Variants in AFMID observed in about 807,000 individuals in gnomAD.
The protein encoded by AFMID is arylformamidase.
A neutral mutation model predicts 47.5 loss-of-function variants in AFMID; 39 were observed. The observed-to-expected ratio is 0.82, with a 90% confidence interval of 0.64 to 1.07. The LOEUF (loss-of-function observed/expected upper bound fraction) is 1.07. Among genes scored for constraint, AFMID ranks in the 50% least tolerant of loss-of-function variants. AFMID has a pLI of 0.00. For synonymous variants in AFMID, 130 were observed against 153.2 expected (o/e 0.85, Z 1.12); for missense variants, 375 against 387.5 (o/e 0.97, Z 0.27).
chr17:78,204,543 A>G, intron 4 of AFMID, 113 bp from the exon 5 acceptor site: 1 of 984,642 alleles, frequency 1.0e-6, no homozygotes, highest in Non-Finnish European at 1.6e-6. Flanking sequence ...ATGGGACCAG[A>G]AAGGGGTGAT....
chr17:78,201,756 C>A (rs892692410), intron 2 of AFMID, among the ~76,000 whole-genome samples: 17 of 151,642 alleles, frequency 1.1e-4, no homozygotes, highest in African/African-American at 2.9e-4. Flanking sequence ...TTTGAGTTGG[C>A]GTCTCGCTCT....
chr17:78,206,790 C>T (rs1286516453), intron 10 of AFMID, 121 bp from the exon 11 acceptor site: 2 of 1,071,850 alleles, frequency 1.9e-6, no homozygotes, highest in South Asian at 1.3e-5. Context: ...CCTCAGCCTC[C>T]CGAAGGGTTG....
intron 9 of AFMID, 80 bp downstream of exon 9, chr17:78,205,818 A>T (rs888056849): frequency 1.7e-5 from 27 of 1,598,094 alleles, no homozygotes; most frequent in Non-Finnish European, 2.2e-5. Context: ...ACCCAAGTGG[A>T]CAAGACCCTC....
chr17:78,189,600 T>C (rs1395271579), intron 1 of AFMID, among the ~76,000 whole-genome samples: 4 of 147,146 alleles, frequency 2.7e-5, no homozygotes, highest in Admixed American at 2.7e-4. Context: ...CTCACTACAA[T>C]CTCTGCTTCC....
chr17:78,206,195 C>T, intron 10 of AFMID, 145 bp downstream of exon 10: 1 of 677,164 alleles, frequency 1.5e-6, no homozygotes, highest in Non-Finnish European at 2.6e-6. Flanking sequence ...ACAAATTAGC[C>T]AGATGTGATG....
intron 2 of AFMID, among the ~76,000 whole-genome samples, chr17:78,201,989 C>G (rs1199960563): frequency 6.6e-6 from 1 of 151,974 alleles, no homozygotes; most frequent in Admixed American, 6.5e-5. Flanking sequence ...CTCGGCCTCC[C>G]AGAGTGCTGG....
chr17:78,187,527 G>A (rs1362628874), intron 1 of AFMID, 94 bp downstream of exon 1: 6 of 1,453,612 alleles, frequency 4.1e-6, no homozygotes, highest in African/African-American at 1.4e-5. Flanking sequence ...AAGCCGTCTA[G>A]AGCACTCCTG....
At position 78,200,033 on chromosome 17, in the gene AFMID, C is replaced by T. The variant is rs148114414; in HGVS notation, c.155-2466C>T. Among the ~76,000 whole-genome samples, 599 of 151,896 alleles carry T rather than the reference C, an allele frequency of 3.9e-3. 4 individuals carry two copies. The highest frequency in any genetic ancestry group is 0.014 in the African/African-American group (575 of 41,430). Reference sequence around the variant, plus strand: ...ATCTGCAGTGCCAAATAAAGGTGACCCCCACAACGACATAAAAAAAAAAAA... The same window carrying T: ...ATCTGCAGTGCCAAATAAAGGTGACTCCCACAACGACATAAAAAAAAAAAA... On this transcript the variant is annotated intron_variant, in intron 2 of 10. Transcript: ENST00000409257.
intron 2 of AFMID, among the ~76,000 whole-genome samples, chr17:78,195,136 T>C (rs2076077685): frequency 6.6e-6 from 1 of 151,898 alleles, no homozygotes; most frequent in South Asian, 2.1e-4. Context: ...TGGTGGTTGG[T>C]AGGGGCAAGG....
intron 2 of AFMID, among the ~76,000 whole-genome samples, chr17:78,199,072 C>T (rs7221585): frequency 0.37 from 55,762 of 152,150 alleles, 12,670 homozygotes; most frequent in East Asian, 0.64. Flanking sequence ...CGTCAGTACG[C>T]AGGGAGCCCT....
At chr17:78,202,248 T>G (rs1176202990) in intron 2 of AFMID, among the ~76,000 whole-genome samples, 3 of 148,706 alleles carry the variant, frequency 2.0e-5, no homozygotes, top group Non-Finnish European at 4.5e-5. Context: ...CAACCCTGTC[T>G]CTACTAAAAA....
chr17:78,191,792 C>A (rs180866154), intron 2 of AFMID, among the ~76,000 whole-genome samples: 74 of 149,698 alleles, frequency 4.9e-4, no homozygotes, highest in African/African-American at 1.8e-3. Flanking sequence ...CGGGTTCAAG[C>A]GATTCTCCTG....
At position 78,202,135 on chromosome 17, in the gene AFMID, C is replaced by T. The variant is rs150146388; in HGVS notation, c.155-364C>T. On this transcript the variant is annotated intron_variant, in intron 2 of 10. Transcript: ENST00000409257. Reference sequence around the variant, plus strand: ...CTACCTGAGCTGAAATAGAAATTGCCGCCACCTGGCTGGGCACAGTGGCTC... The same window carrying T: ...CTACCTGAGCTGAAATAGAAATTGCTGCCACCTGGCTGGGCACAGTGGCTC... Among the ~76,000 whole-genome samples the T allele has an allele frequency of 7.3e-3, 1,107 of 151,744 alleles. 12 individuals are homozygous for T. The highest frequency in any genetic ancestry group is 0.025 in the African/African-American group (1,056 of 41,428).
intron 2 of AFMID, among the ~76,000 whole-genome samples, chr17:78,199,612 G>A (rs182270687): frequency 1.4e-3 from 219 of 152,058 alleles, no homozygotes; most frequent in Non-Finnish European, 2.5e-3. Flanking sequence ...TGACCTTGTG[G>A]TCCACCCGCC....
rs2075923808 is a variant in AFMID, at chr17:78,190,119, G to A, written c.64-851G>A. On this transcript the variant is annotated intron_variant, in intron 1 of 10. Coordinates refer to ENST00000409257, the MANE Select transcript of AFMID (RefSeq NM_001010982.5). ...TGGGATTACAGGCGTGAGCCACCGC[G>A]CCCAGCCTCTGTTTTTTTTTTTCTT... Among the ~76,000 whole-genome samples the A allele has an allele frequency of 4.0e-5, 6 of 151,570 alleles. No homozygotes were observed. In the South Asian group the frequency reaches 1.3e-3, roughly 32 times the overall value.
At chr17:78,190,670 G>A (rs2075940936) in intron 1 of AFMID, 1 of 318,840 alleles carries the variant, frequency 3.1e-6, no homozygotes, top group African/African-American at 2.1e-5. Context: ...AGGATTACAG[G>A]CGTGAGCCAC....
chr17:78,189,716 C>T (rs905167895), intron 1 of AFMID, among the ~76,000 whole-genome samples: 2 of 100,212 alleles, frequency 2.0e-5, no homozygotes, highest in African/African-American at 2.8e-5. Flanking sequence ...GATAGTGTTT[C>T]GCCATATTGC....
At chr17:78,195,242 T>TGGA (rs973896440) in intron 2 of AFMID, among the ~76,000 whole-genome samples, 1 of 151,916 alleles carries the variant, frequency 6.6e-6, no homozygotes, top group Admixed American at 6.6e-5. Flanking sequence ...TTGCCCAGGC[T>TGGA]GGAGGGCAGT....
intron 1 of AFMID, among the ~76,000 whole-genome samples, chr17:78,189,297 G>A (rs537350526): frequency 4.1e-5 from 6 of 144,846 alleles, no homozygotes; most frequent in Admixed American, 2.1e-4. Context: ...ATCTCAGCTC[G>A]CTGCAACCTC....
Sources: allele counts gnomAD v4.1 joint callset (sites outside exome capture counted in the v4.1 genomes callset), GRCh38; gene constraint gnomAD v4.1.1; transcripts MANE v1.5; gene names NCBI Gene and HGNC (gene_info 2026-07-23, HGNC 2026-07-21).